ALPK1: variants seen among roughly 807,000 people sequenced by gnomAD.
The protein encoded by ALPK1 is alpha kinase 1.
Under a neutral mutation model 120.6 loss-of-function variants are expected in ALPK1, and 110 were observed. That is an observed-to-expected ratio of 0.91 (90% CI 0.78 to 1.07). ALPK1 has a LOEUF of 1.07. Ranked by LOEUF, ALPK1 falls within the 50% of genes least tolerant of loss-of-function variation. The probability of loss-of-function intolerance (pLI) is 0.00; values close to 1 mark genes in which losing one functional copy is unlikely to be tolerated. For missense variants in ALPK1, 1,498 were observed against 1,483.9 expected (o/e 1.01, Z -0.16); for synonymous variants, 582 against 560.3 (o/e 1.04, Z -0.55).
At chr4:112,401,289 A>C (rs1487354888) in intron 4 of ALPK1, among the ~76,000 whole-genome samples, 3 of 152,236 alleles carry the variant, frequency 2.0e-5, no homozygotes, top group Non-Finnish European at 4.4e-5. Flanking sequence ...AAGTGAGGAC[A>C]TGAGATGACT....
intron 2 of ALPK1, among the ~76,000 whole-genome samples, chr4:112,352,056 A>G (rs1275993401): frequency 1.3e-5 from 2 of 152,194 alleles, no homozygotes; most frequent in Non-Finnish European, 2.9e-5. Flanking sequence ...CTCTGAAAGG[A>G]TGTATCTTTT....
At chr4:112,401,172 A>G (rs1228555962) in intron 4 of ALPK1, among the ~76,000 whole-genome samples, 1 of 152,248 alleles carries the variant, frequency 6.6e-6, no homozygotes, top group South Asian at 2.1e-4. Context: ...AACAGTAAGC[A>G]TAGTTGGCCT....
At chr4:112,376,066 C>A (rs1407079094) in intron 2 of ALPK1, among the ~76,000 whole-genome samples, 4 of 152,172 alleles carry the variant, frequency 2.6e-5, no homozygotes, top group Non-Finnish European at 5.9e-5. Flanking sequence ...GGCTCCCAGA[C>A]AGTTTGTGGT....
rs188624400 is a variant in ALPK1 at position 112,363,168 on chromosome 4, G to A, written c.-100-14510G>A. 8.2e-4 allele frequency among the ~76,000 whole-genome samples: 125 copies of A among 152,080 alleles called. 1 individual carries two copies. The highest frequency in any genetic ancestry group is 2.6e-3 in the African/African-American group (110 of 41,530). The stretch of plus-strand genomic sequence containing the variant: ...TAAATCTCACAGGACCTATAAAACC[G>A]TAACATAATGGAAAAACACCAAGGT... On this transcript the variant is annotated intron_variant, in intron 2 of 15. Transcript: ENST00000650871.
chr4:112,399,799 CTA>C (rs924974087), intron 4 of ALPK1, among the ~76,000 whole-genome samples: 15 of 152,104 alleles, frequency 9.9e-5, no homozygotes, highest in African/African-American at 3.6e-4. Context: ...CTCCCTGCGT[CTA>C]TGTGTTCTCA....
At chr4:112,412,112 C>T in intron 5 of ALPK1, 87 bp downstream of exon 5, 1 of 1,510,878 alleles carries the variant, frequency 6.6e-7, no homozygotes, top group Non-Finnish European at 9.1e-7. Flanking sequence ...TGTGGGACAC[C>T]CGGAGCACCC....
chr4:112,402,158 A>G (rs527659067), intron 4 of ALPK1, among the ~76,000 whole-genome samples: 39 of 152,256 alleles, frequency 2.6e-4, no homozygotes, highest in African/African-American at 8.7e-4. Context: ...CCTCCCTTCC[A>G]TATTTCCCTG....
chr4:112,320,225 C>A (rs943254382), intron 2 of ALPK1, among the ~76,000 whole-genome samples: 1 of 152,102 alleles, frequency 6.6e-6, no homozygotes, highest in Non-Finnish European at 1.5e-5. Context: ...CCCTTCTATG[C>A]CAATTTTGTT....
At chr4:112,353,650 C>T in intron 2 of ALPK1, among the ~76,000 whole-genome samples, 1 of 152,018 alleles carries the variant, frequency 6.6e-6, no homozygotes, top group Non-Finnish European at 1.5e-5. Context: ...GGTGGATCAC[C>T]TAAGGTCAGG....
Position 112,431,584 on chromosome 4 carries a change from C to T in ALPK1, c.2037C>T (p.Thr679=), listed in dbSNP as rs1323109717. ...TGACACCCTTCTCGCCTCATAATAC[C>T]CCAGGCATTTTCTTGGCCCCTGGTG... is the stretch of plus-strand genomic sequence containing the variant. ...MPLTPFSPHN[T]PGIFLAPGAG... The change falls in exon 11 of 16, where the codon ACC becomes ACT. Residue 679 remains threonine, a synonymous_variant. Transcript: ENST00000650871. 5.6e-6 allele frequency: 9 copies of T among 1,614,038 alleles called. No individual in the cohort carries two copies. Among genetic ancestry groups the T allele is most frequent in the Non-Finnish European group, 7.6e-6 (9 of 1,180,038 alleles).
chr4:112,430,585 T>C lies in ALPK1; in HGVS notation c.1038T>C (p.Thr346=). 1.2e-6 allele frequency: 2 copies of C among 1,614,192 alleles called. No homozygotes were observed. The highest frequency in any genetic ancestry group is 1.7e-6 in the Non-Finnish European group (2 of 1,180,020). Residue 346 remains threonine (T), a synonymous_variant, in exon 11 of 16, where the codon ACT becomes ACC. Coordinates refer to ENST00000650871, the MANE Select transcript of ALPK1 (RefSeq NM_025144.4). ...LLTKRDDEPV[T]GKQELHSFVK... The stretch of plus-strand genomic sequence containing the variant: ...CCAAGAGAGATGATGAGCCTGTTAC[T>C]GGAAAACAGGAGCTTCACAGCTTTG...
rs1254996109 is a variant in ALPK1, at chr4:112,431,924, G to C, written c.2377G>C (p.Glu793Gln). 1.9e-6 allele frequency: 3 copies of C among 1,614,068 alleles called. No homozygotes were observed. Among genetic ancestry groups the C allele is most frequent in the Non-Finnish European group, 2.5e-6 (3 of 1,180,042 alleles). ...GGTTGACCCAGAAGGAGAAACAGCAGAAAGCACTGAAGATGCACCCTTAGA... is the reference window on the plus strand; with the variant it reads ...GGTTGACCCAGAAGGAGAAACAGCACAAAGCACTGAAGATGCACCCTTAGA... ...SWVDPEGETA[E>Q]STEDAPLDFH... Residue 793 changes from glutamate to glutamine, a missense_variant, in exon 11 of 16, where the codon GAA becomes CAA. By Grantham distance (29) the Glu-to-Gln change is conservative. Transcript: ENST00000650871.
At chr4:112,408,910 C>G (rs999517928) in intron 4 of ALPK1, among the ~76,000 whole-genome samples, 6 of 152,110 alleles carry the variant, frequency 3.9e-5, no homozygotes, top group African/African-American at 1.4e-4. Flanking sequence ...ATCAAGTAAA[C>G]ACATAAAAGG....
At chr4:112,356,594 T>C (rs531611031) in intron 2 of ALPK1, 6 of 780,536 alleles carry the variant, frequency 7.7e-6, no homozygotes, top group African/African-American at 5.1e-5. Flanking sequence ...AGCAGGAGAG[T>C]AACCACATGA....
In ALPK1 at chr4:112,382,392, T is replaced by A; in HGVS notation, c.122-6T>A. On this transcript the variant is annotated splice_polypyrimidine_tract_variant and splice_region_variant and intron_variant, in intron 3 of 15. Coordinates refer to ENST00000650871, the MANE Select transcript of ALPK1 (RefSeq NM_025144.4). Reference sequence around the variant, plus strand: ...AATTTCCTTACCTGAACTCTGACCTTTTCAGCTTTACTCCCCAGCGAGTTA... The same window carrying A: ...AATTTCCTTACCTGAACTCTGACCTATTCAGCTTTACTCCCCAGCGAGTTA... 2 of 1,612,386 alleles carry A rather than the reference T, an allele frequency of 1.2e-6. No individual in the cohort carries two copies. The highest frequency in any genetic ancestry group is 1.3e-5 in the African/African-American group (1 of 74,514).
At chr4:112,371,170 C>T (rs1407703318) in intron 2 of ALPK1, among the ~76,000 whole-genome samples, 2 of 152,174 alleles carry the variant, frequency 1.3e-5, no homozygotes, top group Non-Finnish European at 2.9e-5. Context: ...GGTCGAAAGT[C>T]CTGATACTTT....
At chr4:112,363,895 A>G (rs1731022970) in intron 2 of ALPK1, among the ~76,000 whole-genome samples, 1 of 152,190 alleles carries the variant, frequency 6.6e-6, no homozygotes. Flanking sequence ...TTGGAAATCA[A>G]CTCCAAAAGG....
intron 2 of ALPK1, among the ~76,000 whole-genome samples, chr4:112,336,618 A>T (rs758537787): frequency 4.6e-5 from 7 of 152,154 alleles, no homozygotes; most frequent in Non-Finnish European, 7.4e-5. Context: ...AATAGCTTGA[A>T]TCCATTTCTT....
At chr4:112,356,255 CCCG>C in intron 2 of ALPK1, 1 of 1,397,960 alleles carries the variant, frequency 7.2e-7, no homozygotes, top group Non-Finnish European at 1.0e-6. Context: ...CCTGGAGAGC[CCCG>C]CGGGCACAGG....
Sources: gnomAD v4.1 joint callset for allele counts (sites outside exome capture counted in the v4.1 genomes callset) on GRCh38, gnomAD v4.1.1 for gene constraint, MANE v1.5 for transcripts, NCBI Gene and HGNC (gene_info 2026-07-23, HGNC 2026-07-21) for gene names.